Variants in BMP6 observed in about 807,000 individuals in gnomAD.
The protein encoded by BMP6 is bone morphogenetic protein 6.
A neutral mutation model predicts 54.1 loss-of-function variants in BMP6; 17 were observed. The ratio of observed to expected loss-of-function variants is 0.31; its 90% CI spans 0.22 to 0.47. The LOEUF is 0.47. Ranked by LOEUF, BMP6 falls within the 20% of genes least tolerant of loss-of-function variation. The pLI is 1.00. For synonymous variants in BMP6, 328 were observed against 291.2 expected, an observed-to-expected ratio of 1.13 and a Z score of -1.28; for missense variants, 720 against 690.4, an observed-to-expected ratio of 1.04 and a Z score of -0.48.
In BMP6 at chr6:7,814,915, C is replaced by T. The variant is rs192752874; in HGVS notation, c.665-30225C>T. 4.6e-5 allele frequency among the ~76,000 whole-genome samples: 7 copies of T among 152,144 alleles called. No homozygotes were observed. In the East Asian group the frequency reaches 5.8e-4, roughly 13 times the overall value. ...CAGGTTGGTAGGTGCAGCAAACCAC[C>T]GTGGCACATGTATACCTATGTAACA... On this transcript the variant is annotated intron_variant, in intron 1 of 6. Transcript: ENST00000283147.
At chr6:7,749,414 T>C (rs1757390400) in intron 1 of BMP6, among the ~76,000 whole-genome samples, 1 of 152,260 alleles carries the variant, frequency 6.6e-6, no homozygotes, top group Non-Finnish European at 1.5e-5. Context: ...CCTTCATTCC[T>C]ATTTCCACAT....
chr6:7,732,710 G>T (rs1054968720), intron 1 of BMP6, among the ~76,000 whole-genome samples: 5 of 152,088 alleles, frequency 3.3e-5, no homozygotes, highest in East Asian at 1.9e-4. Context: ...TATATCAAAC[G>T]TAGCAAACTA....
chr6:7,765,697 T>A (rs116259063), intron 1 of BMP6, among the ~76,000 whole-genome samples: 1,842 of 152,340 alleles, frequency 0.012, 29 homozygotes, highest in African/African-American at 0.029. Context: ...CCTAGTGGCT[T>A]ACAACAATCC....
chr6:7,871,603 C>T (rs905187485), intron 4 of BMP6, among the ~76,000 whole-genome samples: 1 of 152,246 alleles, frequency 6.6e-6, no homozygotes, highest in Non-Finnish European at 1.5e-5. Flanking sequence ...AAAATTGCCT[C>T]TGGGCGGCTG....
intron 1 of BMP6, among the ~76,000 whole-genome samples, chr6:7,783,784 A>G (rs1250567938): frequency 6.6e-6 from 1 of 152,264 alleles, no homozygotes; most frequent in Non-Finnish European, 1.5e-5. Context: ...AATAGTCAGC[A>G]GAGGGAGTTC....
At chr6:7,752,929 C>G (rs73379789) in intron 1 of BMP6, among the ~76,000 whole-genome samples, 12,146 of 152,100 alleles carry the variant, frequency 0.08, 1,584 homozygotes, top group African/African-American at 0.27. Flanking sequence ...AACACCTACA[C>G]CTAGCCTCCA....
intron 1 of BMP6, among the ~76,000 whole-genome samples, chr6:7,773,731 G>C (rs1381273072): frequency 6.6e-6 from 1 of 152,172 alleles, no homozygotes; most frequent in Non-Finnish European, 1.5e-5. Context: ...TAGCTTAATT[G>C]AATCATGTAC....
At chr6:7,795,145 G>T (rs1045285245) in intron 1 of BMP6, among the ~76,000 whole-genome samples, 1 of 152,166 alleles carries the variant, frequency 6.6e-6, no homozygotes. Flanking sequence ...GGGTTTTACA[G>T]ACATAAAGGA....
At chr6:7,829,679 C>T (rs1358892274) in intron 1 of BMP6, among the ~76,000 whole-genome samples, 1 of 152,200 alleles carries the variant, frequency 6.6e-6, no homozygotes, top group African/African-American at 2.4e-5. Flanking sequence ...GCACTCCAGC[C>T]TCGGCAACAG....
chr6:7,730,968 A>G (rs1327660010), intron 1 of BMP6, among the ~76,000 whole-genome samples: 1 of 152,228 alleles, frequency 6.6e-6, no homozygotes, highest in Non-Finnish European at 1.5e-5. Flanking sequence ...CATGAAATAC[A>G]TTTGAAACAC....
At chr6:7,746,571 A>G (rs1027699758) in intron 1 of BMP6, among the ~76,000 whole-genome samples, 2 of 152,176 alleles carry the variant, frequency 1.3e-5, no homozygotes, top group Non-Finnish European at 2.9e-5. Context: ...TTAGGTGACA[A>G]ATTTGTGAAT....
At chr6:7,760,830 T>C (rs753898812) in intron 1 of BMP6, among the ~76,000 whole-genome samples, 5 of 152,252 alleles carry the variant, frequency 3.3e-5, no homozygotes, top group Non-Finnish European at 7.3e-5. Context: ...AGTAAAGTTT[T>C]GAATGCATCA....
At chr6:7,850,667 G>A (rs13211338) in intron 2 of BMP6, among the ~76,000 whole-genome samples, 4,693 of 152,230 alleles carry the variant, frequency 0.031, 78 homozygotes, top group Middle Eastern at 0.041. Context: ...CACAGAGATC[G>A]GGAACACAGG....
At chr6:7,742,541 CAG>C (rs2113118801) in intron 1 of BMP6, among the ~76,000 whole-genome samples, 1 of 152,298 alleles carries the variant, frequency 6.6e-6, no homozygotes, top group African/African-American at 2.4e-5. Flanking sequence ...CGCTAGGCAA[CAG>C]GGAGCATTTA....
rs1307779023 is a variant in BMP6 at position 7,862,647 on chromosome 6, G to A, written c.1204+149G>A. The A allele has an allele frequency of 3.7e-6, 4 of 1,078,658 alleles. No homozygotes were observed. The African/African-American group carries it at 6.3e-5, about 17-fold the overall frequency. 66.8% of individuals were successfully genotyped at this position (1,078,658 alleles called of 1,614,324 possible). On this transcript the variant is annotated intron_variant, in intron 4 of 6. Transcript: ENST00000283147. ...CATATGCATGATGGTACCTTGTACA[G>A]TCGCAGAACATCTGCGTGGGTTCTG...
At chr6:7,795,091 C>T (rs187099617) in intron 1 of BMP6, among the ~76,000 whole-genome samples, 2 of 152,300 alleles carry the variant, frequency 1.3e-5, no homozygotes, top group Non-Finnish European at 1.5e-5. Context: ...GCATGTTGAA[C>T]ATCTCTTTGC....
chr6:7,845,520 A>G (rs1759048316), intron 2 of BMP6, among the ~76,000 whole-genome samples, 188 bp downstream of exon 2: 1 of 152,208 alleles, frequency 6.6e-6, no homozygotes, highest in Non-Finnish European at 1.5e-5. Flanking sequence ...TGATTTTCCA[A>G]ATAGCTATCT....
intron 1 of BMP6, among the ~76,000 whole-genome samples, chr6:7,838,668 C>T (rs1020660246): frequency 6.6e-6 from 1 of 152,206 alleles, no homozygotes; most frequent in Non-Finnish European, 1.5e-5. Context: ...GCTGGCTGGG[C>T]GCGGTGGCTC....
chr6:7,727,171 G>A lies in BMP6; in HGVS notation c.216G>A (p.Lys72=), dbSNP rs746449569. 4 of 1,596,668 alleles carry A rather than the reference G, an allele frequency of 2.5e-6. No individual in the cohort carries two copies. The highest frequency in any genetic ancestry group is 1.7e-5 in the Admixed American group (1 of 58,038). ...CGGGCTTCCTGTACCGGCGGCTCAAGACGCAGGAGAAGCGGGAGATGCAGA... is the reference window on the plus strand; with the variant it reads ...CGGGCTTCCTGTACCGGCGGCTCAAAACGCAGGAGAAGCGGGAGATGCAGA... ...SSSGFLYRRL[K]TQEKREMQKE... Residue 72 remains lysine, a synonymous_variant, in exon 1 of 7, where the codon AAG becomes AAA. Transcript: ENST00000283147.
Sources: gnomAD v4.1 joint callset for allele counts (sites outside exome capture counted in the v4.1 genomes callset) on GRCh38, gnomAD v4.1.1 for gene constraint, MANE v1.5 for transcripts, NCBI Gene and HGNC (gene_info 2026-07-23, HGNC 2026-07-21) for gene names.